The following NLGN1 variants were observed in gnomAD, a reference collection of about 807,000 sequenced individuals.
The protein encoded by NLGN1 is neuroligin-1.
In NLGN1, 12 loss-of-function variants were observed where a neutral mutation model predicts 65.5. The observed-to-expected ratio is 0.18, with a 90% confidence interval of 0.12 to 0.30. The LOEUF (loss-of-function observed/expected upper bound fraction) is 0.30. Among genes scored for constraint, NLGN1 ranks in the 10% least tolerant of loss-of-function variants. The pLI is 1.00. For missense variants in NLGN1, 750 were observed against 1,007.1 expected, an observed-to-expected ratio of 0.74 and a Z score of 3.46; for synonymous variants, 350 against 359.5, an observed-to-expected ratio of 0.97 and a Z score of 0.30.
chr3:174,165,548 C>G (rs1727334452), intron 4 of NLGN1, among the ~76,000 whole-genome samples: 1 of 152,000 alleles, frequency 6.6e-6, no homozygotes, highest in Non-Finnish European at 1.5e-5. Context: ...GGAATGAAGC[C>G]TACTTGATCA....
chr3:174,215,672 G>A (rs1051066731), intron 4 of NLGN1, among the ~76,000 whole-genome samples: 1 of 152,080 alleles, frequency 6.6e-6, no homozygotes, highest in African/African-American at 2.4e-5. Flanking sequence ...AATGGCATTT[G>A]GAGGCATGCA....
intron 3 of NLGN1, among the ~76,000 whole-genome samples, chr3:173,665,735 T>G (rs1761609119): frequency 2.0e-5 from 3 of 152,208 alleles, no homozygotes; most frequent in Non-Finnish European, 2.9e-5. Flanking sequence ...ATTTAAATTT[T>G]ACCTATGTGG....
chr3:174,013,662 T>C (rs1277607986), intron 4 of NLGN1, among the ~76,000 whole-genome samples: 1 of 152,184 alleles, frequency 6.6e-6, no homozygotes, highest in African/African-American at 2.4e-5. Flanking sequence ...TAGATAAATA[T>C]CGACTTTTCT....
intron 2 of NLGN1, among the ~76,000 whole-genome samples, chr3:173,564,555 C>A (rs552759954): frequency 6.6e-6 from 1 of 152,288 alleles, no homozygotes; most frequent in African/African-American, 2.4e-5. Context: ...TCTGACTGAG[C>A]ATGTAAGATC....
At chr3:173,401,389 T>A (rs1435298877) in intron 1 of NLGN1, among the ~76,000 whole-genome samples, 4 of 148,252 alleles carry the variant, frequency 2.7e-5, no homozygotes, top group Admixed American at 2.0e-4. Context: ...TTTTGTTTTG[T>A]TTTTTGTTTT....
At chr3:173,891,756 G>C (rs1203857013) in intron 4 of NLGN1, among the ~76,000 whole-genome samples, 1 of 152,130 alleles carries the variant, frequency 6.6e-6, no homozygotes, top group African/African-American at 2.4e-5. Context: ...TAGAAAGGTT[G>C]GGTCTTTCTC....
At chr3:173,761,301 T>G (rs980200458) in intron 3 of NLGN1, among the ~76,000 whole-genome samples, 13 of 152,058 alleles carry the variant, frequency 8.5e-5, no homozygotes, top group Admixed American at 5.9e-4. Context: ...ACGTCTTATT[T>G]TCTCTTCTAT....
intron 2 of NLGN1, among the ~76,000 whole-genome samples, chr3:173,510,665 A>G (rs1732795093): frequency 6.6e-6 from 1 of 152,212 alleles, no homozygotes; most frequent in African/African-American, 2.4e-5. Flanking sequence ...TGCTGAATAA[A>G]GGATTGTTTG....
intron 3 of NLGN1, among the ~76,000 whole-genome samples, chr3:173,750,605 T>C (rs1776181942): frequency 6.6e-6 from 1 of 152,122 alleles, no homozygotes; most frequent in South Asian, 2.1e-4. Context: ...TAATTTTATG[T>C]CTATTGAGAA....
chr3:173,886,082 A>T (rs1441037047), intron 4 of NLGN1, among the ~76,000 whole-genome samples: 1 of 152,142 alleles, frequency 6.6e-6, no homozygotes, highest in East Asian at 1.9e-4. Flanking sequence ...ACTTAGGTAA[A>T]TTATGTGTGT....
At chr3:173,860,078 T>C (rs1728765654) in intron 4 of NLGN1, among the ~76,000 whole-genome samples, 1 of 152,048 alleles carries the variant, frequency 6.6e-6, no homozygotes, top group Non-Finnish European at 1.5e-5. Flanking sequence ...TATTTACATT[T>C]TTATCTTTCT....
intron 2 of NLGN1, among the ~76,000 whole-genome samples, chr3:173,485,116 CAAAAAAAAAA>C (rs58463042): frequency 1.9e-5 from 1 of 52,906 alleles, no homozygotes; most frequent in Non-Finnish European, 3.7e-5. Flanking sequence ...TGGCAGCAGG[CAAAAAAAAAA>C]AAAAAAAAAA....
chr3:173,890,518 A>G (rs1735133418), intron 4 of NLGN1, among the ~76,000 whole-genome samples: 1 of 152,178 alleles, frequency 6.6e-6, no homozygotes, highest in African/African-American at 2.4e-5. Context: ...CCTGACCTCA[A>G]ATGAATGTTT....
chr3:173,871,329 A>G (rs932542383), intron 4 of NLGN1, among the ~76,000 whole-genome samples: 3 of 152,216 alleles, frequency 2.0e-5, no homozygotes, highest in African/African-American at 7.2e-5. Context: ...AGAGTTGCAA[A>G]TGTATGATTT....
intron 3 of NLGN1, among the ~76,000 whole-genome samples, chr3:173,660,319 A>G (rs1413534410): frequency 2.0e-5 from 3 of 151,900 alleles, no homozygotes; most frequent in Admixed American, 1.3e-4. Flanking sequence ...CTGGTTATCA[A>G]AGAAAGACAG....
intron 3 of NLGN1, among the ~76,000 whole-genome samples, chr3:173,633,781 G>A (rs980896254): frequency 6.6e-5 from 10 of 152,074 alleles, no homozygotes; most frequent in Admixed American, 2.0e-4. Context: ...AAAACTCCCC[G>A]ATTCTCCTTA....
chr3:173,602,885 G>T (rs1019218751), intron 2 of NLGN1, among the ~76,000 whole-genome samples: 1 of 152,074 alleles, frequency 6.6e-6, no homozygotes, highest in East Asian at 1.9e-4. Flanking sequence ...TTCTGGAACA[G>T]GAATTGGATT....
intron 4 of NLGN1, among the ~76,000 whole-genome samples, chr3:174,236,979 T>C (rs1741829330): frequency 6.6e-6 from 1 of 152,102 alleles, no homozygotes; most frequent in African/African-American, 2.4e-5. Context: ...CTACTATTTA[T>C]TGAGCACCTA....
chr3:174,085,709 A>C (rs934580365), intron 4 of NLGN1, among the ~76,000 whole-genome samples: 1 of 152,082 alleles, frequency 6.6e-6, no homozygotes, highest in Non-Finnish European at 1.5e-5. Context: ...TTAAAAATCT[A>C]ATGGGCAAAT....
Sources: allele counts gnomAD v4.1 joint callset (sites outside exome capture counted in the v4.1 genomes callset), GRCh38; gene constraint gnomAD v4.1.1; transcripts MANE v1.5; gene names NCBI Gene and HGNC (gene_info 2026-07-23, HGNC 2026-07-21).